The following PRRG1 variants were observed in gnomAD, a reference collection of about 807,000 sequenced individuals.
PRRG1 encodes proline rich and Gla domain 1, also known as transmembrane gamma-carboxyglutamic acid protein 1.
In PRRG1, 5 loss-of-function variants were observed where a neutral mutation model predicts 11.8. The observed-to-expected ratio is 0.42, with a 90% CI of 0.22 to 0.89. The LOEUF is 0.89. PRRG1 is among the 40% of genes least tolerant of loss of function. The pLI is 0.28. For synonymous variants in PRRG1, 66 were observed against 60.4 expected (o/e 1.09, Z -0.43); for missense variants, 155 against 166.1 (o/e 0.93, Z 0.37).
At chrX:37,409,489 A>G (rs114754805) in intron 2 of PRRG1, among the ~76,000 whole-genome samples, 4,274 of 112,285 alleles carry the variant, frequency 0.038, 200 homozygotes, top group African/African-American at 0.13. Context: ...TGGTGATGAG[A>G]TAAGGGAAGT....
At chrX:37,388,452 A>G (rs1931410149) in intron 1 of PRRG1, among the ~76,000 whole-genome samples, 1 of 113,213 alleles carries the variant, frequency 8.8e-6, no homozygotes, top group South Asian at 3.6e-4. Flanking sequence ...ATCTAGGCAG[A>G]GGCTCTCAGG....
chrX:37,392,535 A>AT (rs1429139419), intron 1 of PRRG1, among the ~76,000 whole-genome samples: 61 of 107,522 alleles, frequency 5.7e-4, no homozygotes, highest in African/African-American at 1.9e-3. Flanking sequence ...CAAAAAAAAA[A>AT]AATAATAAAA....
At chrX:37,376,548 A>C in intron 1 of PRRG1, among the ~76,000 whole-genome samples, 1 of 1,264 alleles carries the variant, frequency 7.9e-4, no homozygotes, top group Non-Finnish European at 1.5e-3. Context: ...CAGAAATGTG[A>C]GTGTATATAT....
chrX:37,451,677 T>C (rs1273947872), intron 3 of PRRG1, among the ~76,000 whole-genome samples: 2 of 112,258 alleles, frequency 1.8e-5, no homozygotes, highest in African/African-American at 3.2e-5. Flanking sequence ...ATACAATGTT[T>C]CTTATAACAT....
At chrX:37,390,918 A>G (rs782332396) in intron 1 of PRRG1, among the ~76,000 whole-genome samples, 4 of 112,535 alleles carry the variant, frequency 3.6e-5, no homozygotes, top group Non-Finnish European at 5.6e-5. Context: ...GGGAGTGGCT[A>G]CTGCCCAAGG....
intron 2 of PRRG1, among the ~76,000 whole-genome samples, chrX:37,407,641 T>C (rs1556382435): frequency 8.9e-6 from 1 of 112,198 alleles, no homozygotes; most frequent in Non-Finnish European, 1.9e-5. Context: ...GTTGGCATAA[T>C]GTGATAATAC....
chrX:37,416,015 G>A (rs782076985), intron 2 of PRRG1, among the ~76,000 whole-genome samples: 1 of 111,979 alleles, frequency 8.9e-6, no homozygotes, highest in Admixed American at 9.5e-5. Flanking sequence ...GCACACCCTT[G>A]ACTGCTGCTG....
intron 1 of PRRG1, chrX:37,403,762 C>T (rs1415946408): frequency 1.3e-6 from 1 of 751,243 alleles, no homozygotes; most frequent in South Asian, 6.9e-5. Context: ...ATCATTCCAT[C>T]AGAAGAAGCA....
intron 1 of PRRG1, among the ~76,000 whole-genome samples, chrX:37,379,476 G>C (rs1556373292): frequency 9.0e-6 from 1 of 110,701 alleles, no homozygotes; most frequent in African/African-American, 3.3e-5. Flanking sequence ...TGAAGAAATA[G>C]AACCATCCTA....
chrX:37,409,692 G>A (rs182745683), intron 2 of PRRG1, among the ~76,000 whole-genome samples: 1 of 112,090 alleles, frequency 8.9e-6, no homozygotes, highest in African/African-American at 3.2e-5. Flanking sequence ...AGATGCTACT[G>A]TATGCTCATT....
chrX:37,354,181 T>C (rs782384136), intron 1 of PRRG1, among the ~76,000 whole-genome samples: 8 of 110,865 alleles, frequency 7.2e-5, no homozygotes, highest in African/African-American at 2.6e-4. Flanking sequence ...ATGTCTAGGA[T>C]AGAGTCTAAG....
chrX:37,368,723 C>A (rs782067845), intron 1 of PRRG1, among the ~76,000 whole-genome samples: 1 of 110,363 alleles, frequency 9.1e-6, no homozygotes, highest in African/African-American at 3.3e-5. Flanking sequence ...TTTCTACATG[C>A]CTCTTCTGTT....
intron 3 of PRRG1, among the ~76,000 whole-genome samples, chrX:37,447,068 G>A (rs1933091075): frequency 9.0e-6 from 1 of 111,026 alleles, no homozygotes; most frequent in African/African-American, 3.3e-5. Flanking sequence ...TAAAATAATT[G>A]TATTAAATAT....
rs1932995504 is a variant in PRRG1, at chrX:37,442,224, A to G, written c.172-10912A>G. 2.5e-5 allele frequency: 19 copies of G among 751,306 alleles called. No homozygotes were observed. The South Asian group carries it at 1.2e-3, about 46-fold the overall frequency. 61.9% of individuals were successfully genotyped at this position (751,306 alleles called of 1,213,427 possible). The stretch of plus-strand genomic sequence containing the variant: ...AATAAAGTTATCTGTTCTCAAAGCA[A>G]TAAAGGTGTCCAGTTGATGCGTGCC... On this transcript the variant is annotated intron_variant, in intron 3 of 3. Transcript: ENST00000378628.
chrX:37,420,668 C>CAAAAAAAAAAAAAAAAA (rs1302856034), intron 2 of PRRG1, among the ~76,000 whole-genome samples: 2 of 29,495 alleles, frequency 6.8e-5, no homozygotes, highest in Non-Finnish European at 1.2e-4. Flanking sequence ...CCCGTCTATG[C>CAAAAAAAAAAAAAAAAA]AAAAAAAAAA....
chrX:37,349,799 T>C (rs1287848822), intron 1 of PRRG1, among the ~76,000 whole-genome samples: 1 of 109,991 alleles, frequency 9.1e-6, no homozygotes, highest in East Asian at 2.9e-4. Context: ...TGGTGCAGAG[T>C]TGCTAGAAAC....
At chrX:37,351,235 C>G (rs929789495) in intron 1 of PRRG1, among the ~76,000 whole-genome samples, 14 of 111,591 alleles carry the variant, frequency 1.3e-4, no homozygotes, top group African/African-American at 4.6e-4. Flanking sequence ...TGGCTTACTC[C>G]TGTAATCCCA....
At chrX:37,412,889 C>T (rs1932387570) in intron 2 of PRRG1, among the ~76,000 whole-genome samples, 1 of 111,131 alleles carries the variant, frequency 9.0e-6, no homozygotes, top group Non-Finnish European at 1.9e-5. Context: ...ATTTATATAA[C>T]ATAGACTTGA....
At chrX:37,393,058 G>A (rs1405517686) in intron 1 of PRRG1, among the ~76,000 whole-genome samples, 2 of 111,065 alleles carry the variant, frequency 1.8e-5, no homozygotes, top group Admixed American at 1.9e-4. Flanking sequence ...CCAACTCTGA[G>A]GATGATTGGA....
Sources: allele counts gnomAD v4.1 joint callset (sites outside exome capture counted in the v4.1 genomes callset), GRCh38; gene constraint gnomAD v4.1.1; transcripts MANE v1.5; gene names NCBI Gene and HGNC (gene_info 2026-07-23, HGNC 2026-07-21).